Variants in IQGAP1 observed in about 807,000 individuals in gnomAD.
IQGAP1 encodes the protein ras GTPase-activating-like protein IQGAP1.
IQGAP1 carries 66 observed loss-of-function variants against 215.6 expected under a neutral mutation model. The observed-to-expected ratio is 0.31, with a 90% CI of 0.25 to 0.38. The LOEUF is 0.38. Ranked by LOEUF, IQGAP1 falls within the 10% of genes least tolerant of loss-of-function variation. IQGAP1 has a pLI of 1.00. For missense variants in IQGAP1, 1,712 were observed against 1,997.1 expected, an observed-to-expected ratio of 0.86 and a Z score of 2.72; for synonymous variants, 772 against 728.7, an observed-to-expected ratio of 1.06 and a Z score of -0.96.
rs36022965 is a variant in IQGAP1 at position 90,460,999 on chromosome 15, T to TAA, written c.1776+4707_1776+4708dup. Among the ~76,000 whole-genome samples the TAA allele has an allele frequency of 3.3e-3, 291 of 88,736 alleles. 2 individuals carry two copies. Among genetic ancestry groups the TAA allele is most frequent in the Middle Eastern group, 7.7e-3 (1 of 130 alleles). The allele number at this position is 88,736 out of a possible 152,430, so 58.2% of individuals were successfully genotyped here. A position where few individuals can be genotyped will look rare whatever the true frequency, so the allele number is the denominator to read the frequency against. ...GAGTGACAAAGCAAGACCCTGTCTT[T>TAA]AAAAAAAAAAAAAAAAAAAAAAAAG... is the stretch of plus-strand genomic sequence containing the variant. On this transcript the variant is annotated intron_variant, in intron 15 of 37. Transcript: ENST00000268182.
At chr15:90,396,414 G>C (rs1362255177) in intron 2 of IQGAP1, among the ~76,000 whole-genome samples, 1 of 152,172 alleles carries the variant, frequency 6.6e-6, no homozygotes, top group Non-Finnish European at 1.5e-5. Flanking sequence ...TAAATTTTGA[G>C]GGGGATCATT....
At chr15:90,399,072 C>T (rs1964766769) in intron 2 of IQGAP1, among the ~76,000 whole-genome samples, 1 of 150,578 alleles carries the variant, frequency 6.6e-6, no homozygotes, top group Non-Finnish European at 1.5e-5. Context: ...ACTCCTACCT[C>T]AGCTTCTCAA....
chr15:90,479,830 G>A (rs1170720617), intron 26 of IQGAP1, among the ~76,000 whole-genome samples: 10 of 152,134 alleles, frequency 6.6e-5, no homozygotes, highest in Admixed American at 6.6e-4. Context: ...CATTGCAAAA[G>A]TCTTTTTAAT....
At chr15:90,474,373 A>T in intron 22 of IQGAP1, 112 bp from the exon 23 acceptor site, 1 of 906,972 alleles carries the variant, frequency 1.1e-6, no homozygotes, top group Non-Finnish European at 1.8e-6. Flanking sequence ...TTGTCTTAGC[A>T]CATCTCAAAA....
At chr15:90,488,741 GGTGT>G (rs1444245833) in intron 33 of IQGAP1, among the ~76,000 whole-genome samples, 11 of 152,146 alleles carry the variant, frequency 7.2e-5, no homozygotes, top group Non-Finnish European at 1.6e-4. Flanking sequence ...AAAGGATTTG[GGTGT>G]GCATGTAAGA....
intron 2 of IQGAP1, among the ~76,000 whole-genome samples, chr15:90,409,017 C>T (rs1451645055): frequency 6.6e-6 from 1 of 152,094 alleles, no homozygotes; most frequent in Admixed American, 6.6e-5. Flanking sequence ...TCTCCTAACA[C>T]TTAACCTTCT....
At chr15:90,459,092 C>T (rs1965726500) in intron 15 of IQGAP1, among the ~76,000 whole-genome samples, 1 of 152,196 alleles carries the variant, frequency 6.6e-6, no homozygotes, top group Admixed American at 6.5e-5. Context: ...TTAAAAATTT[C>T]TTTTAGCCCT....
intron 6 of IQGAP1, 87 bp from the exon 7 acceptor site, chr15:90,440,415 C>A: frequency 1.1e-6 from 1 of 880,296 alleles, no homozygotes; most frequent in Non-Finnish European, 1.8e-6. Context: ...CATTTTATCC[C>A]ATTGCATAGT....
intron 33 of IQGAP1, among the ~76,000 whole-genome samples, chr15:90,487,881 C>T (rs1283024235): frequency 6.6e-6 from 1 of 152,130 alleles, no homozygotes; most frequent in African/African-American, 2.4e-5. Context: ...TCTCCCCACC[C>T]CCGGCCAATA....
Position 90,474,079 on chromosome 15 carries a change from A to C in IQGAP1, c.2521A>C (p.Lys841Gln), listed in dbSNP as rs1192212674. The change falls in exon 22 of 38, where the codon AAA becomes CAA. Residue 841 changes from lysine (K) to glutamine (Q), a missense_variant. Physicochemically the swap from Lys to Gln is moderately conservative, Grantham distance 53 (BLOSUM62 1). This residue lies in a region of IQGAP1 where 1,021 missense variants were observed against 1,074.2 expected (regional missense o/e 0.95). Transcript: ENST00000268182. ...TGTTCCTTAGATAAATGACATTATC[A>C]AAATCCAGGCTTTTATTCGGGCAAA... is the stretch of plus-strand genomic sequence containing the variant. Reference protein sequence around the residue: ...YFRDHINDIIKIQAFIRANKA... With the variant: ...YFRDHINDIIQIQAFIRANKA... 1 of 1,613,426 alleles carries C rather than the reference A, an allele frequency of 6.2e-7. No homozygotes were observed. The highest frequency in any genetic ancestry group is 1.7e-5 in the Admixed American group (1 of 59,876).
intron 15 of IQGAP1, among the ~76,000 whole-genome samples, chr15:90,465,239 T>C (rs1965814013): frequency 6.6e-6 from 1 of 152,230 alleles, no homozygotes; most frequent in Non-Finnish European, 1.5e-5. Context: ...AGATTCTGGT[T>C]AAAGTAAGAC....
Position 90,491,749 on chromosome 15 carries a change from G to A in IQGAP1, c.4461+204G>A, listed in dbSNP as rs1217403010. ...TCCATGGCCTAAATTACTAGGGAGA[G>A]GACCTTAACTGGAGCCTCCTATGAC... On this transcript the variant is annotated intron_variant, in intron 34 of 37. Transcript: ENST00000268182. The A allele has an allele frequency of 9.0e-6, 5 of 556,914 alleles. No homozygotes were observed. In the Admixed American group the frequency reaches 1.2e-4, roughly 14 times the overall value. The allele number at this position is 556,914 out of a possible 1,614,324, so 34.5% of individuals were successfully genotyped here.
intron 7 of IQGAP1, 90 bp from the exon 8 acceptor site, chr15:90,441,416 G>C: frequency 1.8e-6 from 2 of 1,097,828 alleles, no homozygotes; most frequent in Non-Finnish European, 2.6e-6. Context: ...CTAATGGGGG[G>C]TGCAATGTTG....
intron 3 of IQGAP1, among the ~76,000 whole-genome samples, chr15:90,427,514 C>CG (rs1285451775): frequency 2.6e-5 from 4 of 151,790 alleles, no homozygotes; most frequent in Non-Finnish European, 5.9e-5. Flanking sequence ...TTGAGGCGGG[C>CG]GGATCACTTG....
At chr15:90,412,148 G>A (rs1410663164) in intron 2 of IQGAP1, among the ~76,000 whole-genome samples, 1 of 152,104 alleles carries the variant, frequency 6.6e-6, no homozygotes, top group African/African-American at 2.4e-5. Flanking sequence ...TCAGGGGTCT[G>A]TATTAGATAT....
At chr15:90,465,068 A>T (rs1965812203) in intron 15 of IQGAP1, among the ~76,000 whole-genome samples, 1 of 152,228 alleles carries the variant, frequency 6.6e-6, no homozygotes, top group Admixed American at 6.5e-5. Context: ...GGCTTTTGTT[A>T]GCTGTACTAA....
At chr15:90,439,166 A>ACT (rs1555437287) in intron 5 of IQGAP1, among the ~76,000 whole-genome samples, 166 bp from the exon 6 acceptor site, 32,927 of 151,454 alleles carry the variant, frequency 0.22, 3,840 homozygotes, top group East Asian at 0.31. Context: ...AAAAAAAAAA[A>ACT]CTGAGGTAAA....
At chr15:90,426,019 C>T (rs1965216344) in intron 2 of IQGAP1, 91 bp from the exon 3 acceptor site, 13 of 1,271,460 alleles carry the variant, frequency 1.0e-5, no homozygotes, top group South Asian at 1.5e-5. Context: ...GTTTAAGCTT[C>T]TCCAAGGAGA....
intron 8 of IQGAP1, 104 bp downstream of exon 8, chr15:90,441,788 A>G: frequency 1.3e-6 from 1 of 772,840 alleles, no homozygotes; most frequent in Admixed American, 2.9e-5. Flanking sequence ...TTTACATACA[A>G]CAAAATTCAC....
Sources: allele counts gnomAD v4.1 joint callset (sites outside exome capture counted in the v4.1 genomes callset), GRCh38; gene constraint gnomAD v4.1.1; regional missense constraint gnomAD v4.1.1; transcripts MANE v1.5; gene names NCBI Gene and HGNC (gene_info 2026-07-23, HGNC 2026-07-21).